The following ZNF532 variants were observed in gnomAD, a reference collection of about 807,000 sequenced individuals.
The protein encoded by ZNF532 is zinc finger protein 532.
In ZNF532, 22 loss-of-function variants were observed where a neutral mutation model predicts 89.3. The observed-to-expected ratio is 0.25, with a 90% CI of 0.18 to 0.35. The LOEUF is 0.35. ZNF532 is among the 10% of genes least tolerant of loss of function. The pLI, the probability that ZNF532 is intolerant of heterozygous loss-of-function variation, is 1.00. For synonymous variants in ZNF532, 606 were observed against 649.6 expected, an observed-to-expected ratio of 0.93 and a Z score of 1.02; for missense variants, 1,132 against 1,643.4, an observed-to-expected ratio of 0.69 and a Z score of 5.38.
chr18:58,934,348 A>G, intron 3 of ZNF532, 85 bp from the exon 4 acceptor site: 1 of 1,254,824 alleles, frequency 8.0e-7, no homozygotes. Context: ...AGGATGTATA[A>G]TTATCTGGAG....
At position 58,905,703 on chromosome 18, in the gene ZNF532, C is replaced by CTA. The variant is rs1012915451; in HGVS notation, c.-17-12566_-17-12565dup. Among the ~76,000 whole-genome samples, 12 of 152,290 alleles carry CTA rather than the reference C, an allele frequency of 7.9e-5. No individual in the cohort carries two copies. In the East Asian group the frequency reaches 9.6e-4, roughly 12 times the overall value. ...TTGGCCGGTTCTCTTTAACTATTCA[C>CTA]TATTTCTATCTTACTTTAAAAGCAA... On this transcript the variant is annotated intron_variant, in intron 2 of 9. Coordinates refer to ENST00000591808, the MANE Select transcript of ZNF532 (RefSeq NM_001375912.1).
At chr18:58,868,512 C>T (rs1235356332) in intron 2 of ZNF532, among the ~76,000 whole-genome samples, 1 of 152,166 alleles carries the variant, frequency 6.6e-6, no homozygotes, top group Admixed American at 6.5e-5. Context: ...TCCACTGTCT[C>T]ACTATAGGGA....
chr18:58,979,818 T>A (rs2067520233), intron 8 of ZNF532: 1 of 152,368 alleles, frequency 6.6e-6, no homozygotes, highest in Non-Finnish European at 1.5e-5. Context: ...AGTCCTCGGC[T>A]GGGCCCTTTG....
chr18:58,947,777 T>A (rs2063791047), intron 5 of ZNF532, among the ~76,000 whole-genome samples: 1 of 152,228 alleles, frequency 6.6e-6, no homozygotes, highest in Non-Finnish European at 1.5e-5. Flanking sequence ...ATGAAGACTT[T>A]GTACAAACAT....
At chr18:58,915,362 C>G (rs1486127579) in intron 2 of ZNF532, among the ~76,000 whole-genome samples, 1 of 152,190 alleles carries the variant, frequency 6.6e-6, no homozygotes, top group Non-Finnish European at 1.5e-5. Context: ...GACCTCTTAC[C>G]ACGTCCCACT....
chr18:58,920,760 GT>G, intron 3 of ZNF532, 127 bp downstream of exon 3: 1 of 631,860 alleles, frequency 1.6e-6, no homozygotes, highest in South Asian at 2.3e-5. Flanking sequence ...GTGTGTGTGT[GT>G]GTGTGTGTGT....
intron 2 of ZNF532, among the ~76,000 whole-genome samples, chr18:58,916,284 CTGACAGA>C (rs1466294533): frequency 6.6e-6 from 1 of 152,148 alleles, no homozygotes; most frequent in East Asian, 1.9e-4. Context: ...GATATAGTGC[CTGACAGA>C]TGGCTTTTTC....
Position 58,939,460 on chromosome 18 carries a change from T to C in ZNF532, c.2544T>C (p.Asn848=). The C allele has an allele frequency of 6.2e-6, 10 of 1,613,380 alleles. No homozygotes were observed. Among genetic ancestry groups the C allele is most frequent in the Non-Finnish European group, 7.6e-6 (9 of 1,179,790 alleles). The change falls in exon 5 of 10, where the codon AAT becomes AAC. Residue 848 remains asparagine, a synonymous_variant. Coordinates refer to ENST00000591808, the MANE Select transcript of ZNF532 (RefSeq NM_001375912.1). ...RRVGFRCVHC[N]VVYSDVAALK... ...TTTCTAACAGATGTGTGCATTGCAA[T>C]GTTGTGTACTCTGATGTGGCTGCTC...
chr18:58,948,319 A>AT, intron 6 of ZNF532, 90 bp downstream of exon 6: 2 of 1,351,574 alleles, frequency 1.5e-6, no homozygotes, highest in Non-Finnish European at 2.0e-6. Context: ...ACTCTAAAGC[A>AT]TGCCTCACTG....
intron 5 of ZNF532, among the ~76,000 whole-genome samples, chr18:58,940,858 G>A (rs1345588605): frequency 1.3e-5 from 2 of 149,586 alleles, no homozygotes; most frequent in Non-Finnish European, 3.0e-5. Flanking sequence ...CTGTTGCTGT[G>A]TTTTTGCCCA....
At chr18:58,917,511 G>A (rs144908821) in intron 2 of ZNF532, among the ~76,000 whole-genome samples, 126 of 152,202 alleles carry the variant, frequency 8.3e-4, no homozygotes, top group African/African-American at 2.9e-3. Context: ...TCTGCGGGTC[G>A]GGGGAAGAGC....
intron 2 of ZNF532, among the ~76,000 whole-genome samples, chr18:58,872,460 A>G (rs1198842771): frequency 6.6e-6 from 1 of 152,162 alleles, no homozygotes; most frequent in Non-Finnish European, 1.5e-5. Context: ...TTCAATAGTA[A>G]GAATTAGATA....
chr18:58,936,204 A>C (rs2062456463), intron 4 of ZNF532, among the ~76,000 whole-genome samples: 1 of 152,222 alleles, frequency 6.6e-6, no homozygotes, highest in Admixed American at 6.5e-5. Context: ...GTCTGCCTCC[A>C]GCTCCACTGG....
At chr18:58,950,227 C>T (rs2096118654) in intron 6 of ZNF532, among the ~76,000 whole-genome samples, 2 of 152,080 alleles carry the variant, frequency 1.3e-5, no homozygotes, top group Admixed American at 1.3e-4. Flanking sequence ...TAGGGTCTTC[C>T]TTGTGTTAAT....
chr18:58,931,956 T>C (rs1026149351), intron 3 of ZNF532, among the ~76,000 whole-genome samples: 13 of 151,714 alleles, frequency 8.6e-5, no homozygotes, highest in African/African-American at 3.1e-4. Flanking sequence ...ACAACAATAA[T>C]AAAAAACCCA....
At chr18:58,896,544 T>C (rs941510835) in intron 2 of ZNF532, 3 of 152,862 alleles carry the variant, frequency 2.0e-5, no homozygotes, top group Non-Finnish European at 4.4e-5. Flanking sequence ...TTGGGATGTC[T>C]TCAGCCATAT....
chr18:58,936,790 G>A (rs7237384), intron 4 of ZNF532, among the ~76,000 whole-genome samples: 77,203 of 152,058 alleles, frequency 0.51, 20,866 homozygotes, highest in African/African-American at 0.67. Flanking sequence ...TGCTTCATAT[G>A]AGGGTCCAGG....
At chr18:58,941,819 CT>C (rs2063065099) in intron 5 of ZNF532, among the ~76,000 whole-genome samples, 1 of 150,618 alleles carries the variant, frequency 6.6e-6, no homozygotes, top group South Asian at 2.1e-4. Flanking sequence ...TGTTTCTTTT[CT>C]TTTTTCTTTT....
At chr18:58,952,672 T>C (rs1301436290) in intron 6 of ZNF532, among the ~76,000 whole-genome samples, 2 of 152,150 alleles carry the variant, frequency 1.3e-5, no homozygotes, top group African/African-American at 4.8e-5. Context: ...TCCTGAAGTG[T>C]TGGAATTATA....
Sources: allele counts gnomAD v4.1 joint callset (sites outside exome capture counted in the v4.1 genomes callset), GRCh38; gene constraint gnomAD v4.1.1; transcripts MANE v1.5; gene names NCBI Gene and HGNC (gene_info 2026-07-23, HGNC 2026-07-21).